Variants in TCF20 observed in about 807,000 individuals in gnomAD.
TCF20 encodes transcription factor 20.
In TCF20, 3 loss-of-function variants were observed where a neutral mutation model predicts 148.6. The ratio of observed to expected loss-of-function variants is 0.02; its 90% CI spans 0.01 to 0.05. TCF20 has a LOEUF of 0.05. Among genes scored for constraint, TCF20 ranks in the 10% least tolerant of loss-of-function variants. The pLI is 1.00. For missense variants in TCF20, 2,350 were observed against 2,429.3 expected, an observed-to-expected ratio of 0.97 and a Z score of 0.69; for synonymous variants, 1,049 against 909.5, an observed-to-expected ratio of 1.15 and a Z score of -2.76.
chr22:42,279,400 C>G lies in TCF20; in HGVS notation c.-37+4427G>C, dbSNP rs1324279942. ...GCTGAGGCTGGAGAATCACTTGAAC[C>G]TGGGAGGCAGAGGTTGCAGTGAGCA... On this transcript the variant is annotated intron_variant, in intron 1 of 5. Transcript: ENST00000359486. This position sits in a 1 kb window ranked among gnomAD's most constrained non-coding sequence, Gnocchi z 4.3. Among the ~76,000 whole-genome samples, 2 of 152,128 alleles carry G rather than the reference C, an allele frequency of 1.3e-5. No homozygotes were observed. The highest frequency in any genetic ancestry group is 4.8e-5 in the African/African-American group (2 of 41,430).
intron 2 of TCF20, among the ~76,000 whole-genome samples, chr22:42,208,944 AG>A (rs1178868016): frequency 6.6e-6 from 1 of 152,222 alleles, no homozygotes; most frequent in Non-Finnish European, 1.5e-5. Context: ...CCTAGGGAAA[AG>A]GAGAAGATCC....
rs545764938 is a variant in TCF20 at position 42,297,514 on chromosome 22, T to A, written c.-37+45965A>T. ...CCTGAGCACCCTCCAAGGGCACAGC[T>A]GGGTGAGCCCCATGGCTGGGCTGGA... On this transcript the variant is annotated intron_variant, in intron 1 of 1. Transcript: ENST00000515426. This position sits in a 1 kb window ranked among gnomAD's most constrained non-coding sequence, Gnocchi z 4.3. 1.3e-5 allele frequency among the ~76,000 whole-genome samples: 2 copies of A among 152,206 alleles called. No individual in the cohort carries two copies. The highest frequency in any genetic ancestry group is 2.9e-5 in the Non-Finnish European group (2 of 68,032).
At chr22:42,183,237 G>A (rs1232024555) in intron 2 of TCF20, among the ~76,000 whole-genome samples, 1 of 152,220 alleles carries the variant, frequency 6.6e-6, no homozygotes, top group Non-Finnish European at 1.5e-5. Flanking sequence ...GCCATTCAGT[G>A]TTCTGTCTCC....
At chr22:42,218,357 A>G (rs1303942139) in intron 1 of TCF20, among the ~76,000 whole-genome samples, 3 of 152,252 alleles carry the variant, frequency 2.0e-5, no homozygotes, top group East Asian at 3.9e-4. Flanking sequence ...CCACCCTCTT[A>G]TAAGGACCTC....
intron 1 of TCF20, among the ~76,000 whole-genome samples, chr22:42,257,465 G>T (rs995467696): frequency 2.0e-5 from 3 of 152,188 alleles, no homozygotes; most frequent in African/African-American, 7.2e-5. Context: ...AATTTGCGAT[G>T]AAACAGACAC....
rs1569153759 is a variant in TCF20, at chr22:42,214,638, C to T, written c.668G>A (p.Gly223Asp). 6.2e-7 allele frequency: 1 copy of T among 1,614,128 alleles called. No homozygotes were observed. Among genetic ancestry groups the T allele is most frequent in the Non-Finnish European group, 8.5e-7 (1 of 1,180,036 alleles). Residue 223 changes from glycine to aspartate, a missense_variant, in exon 2 of 6, where the codon GGT becomes GAT. Physicochemically the swap from Gly to Asp is moderately conservative, Grantham distance 94 (BLOSUM62 -1). Coordinates refer to ENST00000677622, the MANE Select transcript of TCF20 (RefSeq NM_001378418.1). ...AAACTGACCCACTCTTAACTGGTAA[C>T]CAGCAGCAGAGGATGGCAGAGTTGA... ...RPSTLPSSAA[G>D]YQLRVGQFGQ... is the part of the protein sequence containing the mutation.
chr22:42,239,881 T>C (rs940936873), intron 1 of TCF20, among the ~76,000 whole-genome samples: 1 of 152,212 alleles, frequency 6.6e-6, no homozygotes, highest in African/African-American at 2.4e-5. Context: ...GAGCACATGC[T>C]GTTGAAAAAT....
chr22:42,237,211 C>A (rs1051760625), intron 1 of TCF20, among the ~76,000 whole-genome samples: 1 of 152,186 alleles, frequency 6.6e-6, no homozygotes, highest in Non-Finnish European at 1.5e-5. Flanking sequence ...TAATCAACTA[C>A]GTTTATGTAA....
At chr22:42,178,646 A>C (rs1422692849) in intron 3 of TCF20, among the ~76,000 whole-genome samples, 6 of 129,890 alleles carry the variant, frequency 4.6e-5, no homozygotes, top group African/African-American at 1.8e-4. Context: ...GCTGGAGTGC[A>C]GTGGCGTGAT....
At chr22:42,291,245 C>T (rs751942529) in intron 1 of TCF20, among the ~76,000 whole-genome samples, 3 of 152,232 alleles carry the variant, frequency 2.0e-5, no homozygotes, top group Admixed American at 6.5e-5. Context: ...AAGAAGCTCA[C>T]AGTCTGGTGG....
Position 42,279,834 on chromosome 22 carries a change from T to C in TCF20, c.-37+3993A>G, listed in dbSNP as rs1719195860. ...GTGAATGAGCCACTGGGGGCCTCCG[T>C]GGCAATCGGGCTCACAAAGCCATGT... On this transcript the variant is annotated intron_variant, in intron 1 of 5. Transcript: ENST00000359486. This position sits in a 1 kb window ranked among gnomAD's most constrained non-coding sequence, Gnocchi z 4.3. Among the ~76,000 whole-genome samples, 2 of 152,154 alleles carry C rather than the reference T, an allele frequency of 1.3e-5. No individual in the cohort carries two copies. The highest frequency in any genetic ancestry group is 2.4e-5 in the African/African-American group (1 of 41,432).
intron 1 of TCF20, among the ~76,000 whole-genome samples, chr22:42,264,284 A>G (rs985106705): frequency 2.4e-3 from 3 of 1,266 alleles, no homozygotes; most frequent in East Asian, 0.014. Flanking sequence ...GGGCGGGGGC[A>G]GGGTGGGGGA....
In TCF20 at chr22:42,279,720, G is replaced by A; in HGVS notation, c.-37+4107C>T. Among the ~76,000 whole-genome samples, 1 of 152,218 alleles carries A rather than the reference G, an allele frequency of 6.6e-6. No homozygotes were observed. On this transcript the variant is annotated intron_variant, in intron 1 of 5. Coordinates refer to the TCF20 transcript ENST00000359486. The surrounding 1 kb of genome is among the most constrained non-coding windows in gnomAD (Gnocchi z 4.3). ...GAGCAAACAGGCTCAGGGAGGTGTG[G>A]TGCCTACAGTCACCCAGCAGACACA... is the stretch of plus-strand genomic sequence containing the variant.
rs759118027 is a variant in TCF20, at chr22:42,216,079, C to CTTTTTTTTTTTTTTT, written c.-36-753_-36-739dup. Among the ~76,000 whole-genome samples, 117 of 50,572 alleles carry CTTTTTTTTTTTTTTT rather than the reference C, an allele frequency of 2.3e-3. 24 individuals carry two copies. The highest frequency in any genetic ancestry group is 5.3e-3 in the African/African-American group (63 of 11,834). The allele number at this position is 50,572 out of a possible 152,430, so 33.2% of individuals were successfully genotyped here. On this transcript the variant is annotated intron_variant, in intron 1 of 5. Coordinates refer to ENST00000677622, the MANE Select transcript of TCF20 (RefSeq NM_001378418.1). ...GGTGTGGGGTAAGAAAAACCAAATC[C>CTTTTTTTTTTTTTTT]TTTTTTTTTTTTTTTTTTTTTTTTT... is the stretch of plus-strand genomic sequence containing the variant.
chr22:42,197,178 A>T (rs1178564763), intron 2 of TCF20, among the ~76,000 whole-genome samples: 1 of 152,202 alleles, frequency 6.6e-6, no homozygotes, highest in African/African-American at 2.4e-5. Flanking sequence ...TAGGTAGCTC[A>T]TAATATTTGC....
chr22:42,201,446 T>G (rs958009297), intron 2 of TCF20, among the ~76,000 whole-genome samples: 3 of 152,132 alleles, frequency 2.0e-5, no homozygotes, highest in Non-Finnish European at 4.4e-5. Flanking sequence ...GGCCTTTTAG[T>G]GCTGACATGT....
intron 2 of TCF20, among the ~76,000 whole-genome samples, chr22:42,209,198 T>C (rs1340586640): frequency 6.6e-6 from 1 of 152,176 alleles, no homozygotes; most frequent in Non-Finnish European, 1.5e-5. Flanking sequence ...CCACACACCC[T>C]TTCTCACAAA....
chr22:42,235,999 G>A (rs1182173785), intron 1 of TCF20, among the ~76,000 whole-genome samples: 9 of 152,106 alleles, frequency 5.9e-5, no homozygotes, highest in African/African-American at 9.7e-5. Context: ...TTCAAGATCA[G>A]CCTGGCCAAC....
chr22:42,341,070 AGGAGCAGAGGCC>A (rs1928158560), intron 1 of TCF20, among the ~76,000 whole-genome samples: 1 of 152,142 alleles, frequency 6.6e-6, no homozygotes. Flanking sequence ...GCCGGCTGCC[AGGAGCAGAGGCC>A]GGAGGGACGG....
Sources: gnomAD v4.1 joint callset for allele counts (sites outside exome capture counted in the v4.1 genomes callset) on GRCh38, gnomAD v4.1.1 for gene constraint, Gnocchi (gnomAD v3.1) non-coding constraint, MANE v1.5 for transcripts, NCBI Gene and HGNC (gene_info 2026-07-23, HGNC 2026-07-21) for gene names.